Variants in RNGTT observed in about 807,000 individuals in gnomAD.
RNGTT encodes RNA guanylyltransferase and 5'-phosphatase, also known as mRNA-capping enzyme.
A neutral mutation model predicts 79.3 loss-of-function variants in RNGTT; 33 were observed. The ratio of observed to expected loss-of-function variants is 0.42; its 90% CI spans 0.32 to 0.56. The LOEUF (loss-of-function observed/expected upper bound fraction) is 0.56. Among genes scored for constraint, RNGTT ranks in the 20% least tolerant of loss-of-function variants. RNGTT has a pLI of 0.17. For synonymous variants in RNGTT, 222 were observed against 235.9 expected (o/e 0.94, Z 0.54); for missense variants, 497 against 739.1 (o/e 0.67, Z 3.80).
chr6:88,646,745 A>G (rs1773577479), intron 14 of RNGTT, among the ~76,000 whole-genome samples: 1 of 152,108 alleles, frequency 6.6e-6, no homozygotes, highest in African/African-American at 2.4e-5. Flanking sequence ...TCACAAGGAC[A>G]AAAAACCAAA....
At chr6:88,754,659 T>C (rs1021850602) in intron 13 of RNGTT, among the ~76,000 whole-genome samples, 3 of 152,146 alleles carry the variant, frequency 2.0e-5, no homozygotes, top group Non-Finnish European at 4.4e-5. Flanking sequence ...GTGATGGCCA[T>C]GATGCCCCCG....
intron 10 of RNGTT, among the ~76,000 whole-genome samples, chr6:88,846,711 G>C (rs911878720): frequency 4.0e-5 from 6 of 150,316 alleles, no homozygotes; most frequent in Admixed American, 4.0e-4. Context: ...TGTGAGCTGA[G>C]ATCATGCCAC....
At chr6:88,957,395 A>C (rs546869179) in intron 1 of RNGTT, among the ~76,000 whole-genome samples, 1 of 152,320 alleles carries the variant, frequency 6.6e-6, no homozygotes, top group African/African-American at 2.4e-5. Flanking sequence ...AAAGAAATAA[A>C]GGGCATCCAA....
intron 5 of RNGTT, among the ~76,000 whole-genome samples, chr6:88,906,054 G>A (rs2127943270): frequency 6.6e-6 from 1 of 152,246 alleles, no homozygotes; most frequent in South Asian, 2.1e-4. Context: ...GGCTGAGGCG[G>A]GAGGATTGCT....
chr6:88,723,774 G>A (rs546062046), intron 13 of RNGTT, among the ~76,000 whole-genome samples: 1 of 152,100 alleles, frequency 6.6e-6, no homozygotes, highest in African/African-American at 2.4e-5. Context: ...ACCCAGACTG[G>A]AGTGCAGTGG....
Position 88,709,088 on chromosome 6 carries a change from T to A in RNGTT, c.1440-30669A>T, listed in dbSNP as rs1237839100. 5.9e-5 allele frequency among the ~76,000 whole-genome samples: 9 copies of A among 152,028 alleles called. No individual in the cohort carries two copies. In the East Asian group the frequency reaches 1.5e-3, roughly 26 times the overall value. ...ACTTTGGGAGGCTGAGGCGGAGGGA[T>A]CATGAGGTCAGGAGTTCGAGACCAG... On this transcript the variant is annotated intron_variant, in intron 13 of 15. Transcript: ENST00000369485.
chr6:88,884,072 T>C (rs1389869946), intron 8 of RNGTT, among the ~76,000 whole-genome samples: 1 of 152,216 alleles, frequency 6.6e-6, no homozygotes, highest in Non-Finnish European at 1.5e-5. Flanking sequence ...ACTACCCTTT[T>C]GGAGCAGAAA....
At chr6:88,679,389 G>A (rs1775003348) in intron 13 of RNGTT, among the ~76,000 whole-genome samples, 1 of 152,118 alleles carries the variant, frequency 6.6e-6, no homozygotes, top group Admixed American at 6.5e-5. Flanking sequence ...GATAAAGAGG[G>A]CACAAGTATG....
chr6:88,885,644 C>T, intron 8 of RNGTT, among the ~76,000 whole-genome samples: 1 of 152,170 alleles, frequency 6.6e-6, no homozygotes, highest in East Asian at 1.9e-4. Context: ...AGGATATTTA[C>T]ATGATCTCAG....
intron 13 of RNGTT, among the ~76,000 whole-genome samples, chr6:88,759,169 C>T (rs1778122224): frequency 6.6e-6 from 1 of 152,156 alleles, no homozygotes; most frequent in Admixed American, 6.5e-5. Flanking sequence ...GTTCATAATT[C>T]ATTACTGTCC....
intron 11 of RNGTT, among the ~76,000 whole-genome samples, chr6:88,832,107 AC>A (rs1227751066): frequency 6.6e-6 from 1 of 152,216 alleles, no homozygotes; most frequent in African/African-American, 2.4e-5. Context: ...TTCATATGGA[AC>A]CAAAAATGAG....
intron 13 of RNGTT, among the ~76,000 whole-genome samples, chr6:88,711,803 T>C (rs573865546): frequency 6.6e-6 from 1 of 152,232 alleles, no homozygotes; most frequent in East Asian, 1.9e-4. Context: ...TTCACCCATT[T>C]ACTCATTTTT....
chr6:88,890,082 T>C (rs1207841921), intron 8 of RNGTT, among the ~76,000 whole-genome samples: 1 of 152,242 alleles, frequency 6.6e-6, no homozygotes, highest in East Asian at 1.9e-4. Context: ...AGGCAAATTA[T>C]TCAAAGGAGA....
rs536077143 is a variant in RNGTT at position 88,616,942 on chromosome 6, T to C, written c.1507-2547A>G. On this transcript the variant is annotated intron_variant, in intron 14 of 15. Transcript: ENST00000369485. Reference sequence around the variant, plus strand: ...TATTTTGTTGCCTATGATTTTGGTGTTGCACACAAGAAATCATTGCCTAAT... The same window carrying C: ...TATTTTGTTGCCTATGATTTTGGTGCTGCACACAAGAAATCATTGCCTAAT... Among the ~76,000 whole-genome samples the C allele has an allele frequency of 1.0e-3, 155 of 152,358 alleles. 4 individuals are homozygous for C. Among genetic ancestry groups the C allele is most frequent in the African/African-American group, 3.6e-3 (148 of 41,580 alleles).
chr6:88,903,735 G>A (rs576440689), intron 6 of RNGTT, among the ~76,000 whole-genome samples: 6 of 152,182 alleles, frequency 3.9e-5, no homozygotes, highest in Middle Eastern at 3.4e-3. Flanking sequence ...TAAATGAGTC[G>A]TGGTATATAC....
chr6:88,643,164 A>G lies in RNGTT; in HGVS notation c.1507-28769T>C, dbSNP rs188492212. ...CATTAGCTTACATTTGGGAAAAAAA[A>G]TCATCTAATATAAACCCTAATTTAT... is the stretch of plus-strand genomic sequence containing the variant. On this transcript the variant is annotated intron_variant, in intron 14 of 15. Coordinates refer to ENST00000369485, the MANE Select transcript of RNGTT (RefSeq NM_003800.5). Among the ~76,000 whole-genome samples the G allele has an allele frequency of 1.9e-3, 288 of 152,304 alleles. 4 individuals are homozygous for G. The highest frequency in any genetic ancestry group is 6.8e-3 in the African/African-American group (282 of 41,564).
chr6:88,624,654 G>A (rs1389513519), intron 14 of RNGTT, among the ~76,000 whole-genome samples: 2 of 151,758 alleles, frequency 1.3e-5, no homozygotes, highest in Non-Finnish European at 3.0e-5. Flanking sequence ...GAAAATCTTT[G>A]TGACCTAGGG....
chr6:88,934,287 C>T (rs1784596591), intron 2 of RNGTT, among the ~76,000 whole-genome samples: 1 of 152,202 alleles, frequency 6.6e-6, no homozygotes, highest in Non-Finnish European at 1.5e-5. Context: ...CCATCCATCT[C>T]AGCTTCCCAA....
chr6:88,847,426 T>C (rs1781521119), intron 10 of RNGTT, among the ~76,000 whole-genome samples: 1 of 152,168 alleles, frequency 6.6e-6, no homozygotes, highest in Non-Finnish European at 1.5e-5. Flanking sequence ...GAAAAGATTT[T>C]AAATATTATT....
Sources: allele counts gnomAD v4.1 joint callset (sites outside exome capture counted in the v4.1 genomes callset), GRCh38; gene constraint gnomAD v4.1.1; transcripts MANE v1.5; gene names NCBI Gene and HGNC (gene_info 2026-07-23, HGNC 2026-07-21).